OBSL1: variants seen among roughly 807,000 people sequenced by gnomAD.
The protein encoded by OBSL1 is obscurin like cytoskeletal adaptor 1.
Under a neutral mutation model 172.0 loss-of-function variants are expected in OBSL1, and 160 were observed. The observed-to-expected ratio is 0.93, with a 90% CI of 0.82 to 1.06. OBSL1 has a LOEUF of 1.06. Ranked by LOEUF, OBSL1 falls within the 50% of genes least tolerant of loss-of-function variation. OBSL1 has a pLI of 0.00. For synonymous variants in OBSL1, 1,200 were observed against 1,196.3 expected (o/e 1.00, Z -0.06); for missense variants, 2,681 against 2,715.4 (o/e 0.99, Z 0.28).
chr2:219,553,269 G>C (rs928403738), intron 16 of OBSL1, among the ~76,000 whole-genome samples: 1 of 152,244 alleles, frequency 6.6e-6, no homozygotes, highest in Non-Finnish European at 1.5e-5. Flanking sequence ...CCCAGAGCCA[G>C]GTATCGATCA....
At position 219,559,442 on chromosome 2, in the gene OBSL1, G is replaced by C. The variant is rs765940418; in HGVS notation, c.3009C>G (p.Thr1003=). The change falls in exon 9 of 21, where the codon ACC becomes ACG. Residue 1003 remains threonine, a synonymous_variant. Transcript: ENST00000404537. ...PRDEVTLIAV[T]LECVVLMCEL... is the part of the protein sequence containing the mutation. ...CACACATCAGCACCACACACTCCAA[G>C]GTCACGGCGATCAAGGTCACCTCAT... is the stretch of plus-strand genomic sequence containing the variant. The C allele has an allele frequency of 6.2e-7, 1 of 1,613,582 alleles. No homozygotes were observed. Among genetic ancestry groups the C allele is most frequent in the South Asian group, 1.1e-5 (1 of 91,066 alleles).
chr2:219,562,964 G>C (rs1448534252), intron 7 of OBSL1: 3 of 524,558 alleles, frequency 5.7e-6, no homozygotes, highest in Admixed American at 6.5e-5. Context: ...GGGACGGTAT[G>C]AAGGGTGGAA....
intron 1 of OBSL1, among the ~76,000 whole-genome samples, chr2:219,569,976 G>A (rs1193641883): frequency 6.6e-6 from 1 of 152,246 alleles, no homozygotes; most frequent in Admixed American, 6.5e-5. Context: ...TCACTCCTTA[G>A]TGGTGTTCCA....
chr2:219,567,363 G>A lies in OBSL1; in HGVS notation c.1747C>T (p.Pro583Ser), dbSNP rs1696983803. ...CGGAAGCGGTAGTCACCCTCGGAGG[G>A]CACACAGTCGCCCGGCACCTCCACG... Reference protein sequence around the residue: ...GAVEVPGDCVPSEGDYRFRIC... With the variant: ...GAVEVPGDCVSSEGDYRFRIC... Residue 583 changes from proline to serine, a missense_variant, in exon 4 of 21, where the codon CCC becomes TCC. By Grantham distance (74) the Pro-to-Ser change is moderately conservative. Coordinates refer to ENST00000404537, the MANE Select transcript of OBSL1 (RefSeq NM_015311.3). 3 of 1,612,568 alleles carry A rather than the reference G, an allele frequency of 1.9e-6. No individual in the cohort carries two copies. The highest frequency in any genetic ancestry group is 1.3e-5 in the African/African-American group (1 of 74,924).
intron 20 of OBSL1, 73 bp from the exon 21 acceptor site, chr2:219,550,915 G>C: frequency 1.9e-6 from 3 of 1,577,622 alleles, no homozygotes; most frequent in Non-Finnish European, 1.7e-6. Context: ...GGCAGAGCCT[G>C]GACACCAGTA....
chr2:219,551,473 C>T (rs1300184899), intron 20 of OBSL1, 56 bp downstream of exon 20: 2 of 1,515,002 alleles, frequency 1.3e-6, no homozygotes, highest in African/African-American at 1.4e-5. Flanking sequence ...GTGGCTTAAC[C>T]CATCAGCTCC....
In OBSL1 at chr2:219,556,550, G is replaced by A. The variant is rs763912596; in HGVS notation, c.4240C>T (p.Arg1414Cys). Reference protein sequence around the residue: ...QVEMAQNGSSRILTLRGCQLG... With the variant: ...QVEMAQNGSSCILTLRGCQLG... ...TGGCAGCCTCGCAAGGTTAAGATGC[G>A]GCTTGAACCATTCTGGGCCATCTCC... The change falls in exon 13 of 21, where the codon CGC becomes TGC. Residue 1414 changes from arginine (R) to cysteine (C), a missense_variant. Coordinates refer to ENST00000404537, the MANE Select transcript of OBSL1 (RefSeq NM_015311.3). The A allele has an allele frequency of 2.5e-5, 41 of 1,613,798 alleles. No individual in the cohort carries two copies. The highest frequency in any genetic ancestry group is 4.5e-5 in the East Asian group (2 of 44,888).
intron 18 of OBSL1, 105 bp downstream of exon 18, chr2:219,552,426 TGGGGC>T (rs1695690686): frequency 1.6e-5 from 17 of 1,045,096 alleles, no homozygotes; most frequent in Non-Finnish European, 2.1e-5. Flanking sequence ...CACAGGGCCG[TGGGGC>T]GGGGCCCGTC....
rs966487354 is a variant in OBSL1 at position 219,558,017 on chromosome 2, C to T, written c.3596G>A (p.Arg1199Gln). 36 of 1,612,850 alleles carry T rather than the reference C, an allele frequency of 2.2e-5. No individual in the cohort carries two copies. Among genetic ancestry groups the T allele is most frequent in the East Asian group, 8.9e-5 (4 of 44,880 alleles). The change falls in exon 11 of 21, where the codon CGG (arginine) becomes CAG (glutamine). Residue 1199 changes from arginine to glutamine, a missense_variant. Arg to Gln is a conservative substitution (Grantham distance 43). Around this residue, in one of 5 missense-constraint regions of OBSL1, gnomAD observed 1,765 missense variants for 1,748.3 expected, o/e 1.01. Coordinates refer to ENST00000404537, the MANE Select transcript of OBSL1 (RefSeq NM_015311.3). Reference protein sequence around the residue: ...EPVVLSCELSRAGAPVVWSHN... With the variant: ...EPVVLSCELSQAGAPVVWSHN... ...GCTCCAGACCACGGGGGCGCCAGCC[C>T]GGGACAGTTCACAGCTCAGCACCAC...
intron 16 of OBSL1, 78 bp from the exon 17 acceptor site, chr2:219,553,102 C>T: frequency 1.4e-6 from 2 of 1,403,306 alleles, no homozygotes; most frequent in East Asian, 2.8e-5. Flanking sequence ...GCGGCGCACC[C>T]TTTGTTGATG....
chr2:219,547,961 G>C, downstream of OBSL1: 1 of 1,589,742 alleles, frequency 6.3e-7, no homozygotes, highest in Non-Finnish European at 8.5e-7. Context: ...ACTCCGGGCT[G>C]CTCCTGTGCC....
chr2:219,553,458 C>A (rs999037251), intron 16 of OBSL1, 116 bp downstream of exon 16: 2 of 798,164 alleles, frequency 2.5e-6, no homozygotes, highest in Non-Finnish European at 4.3e-6. Context: ...AAATATAATG[C>A]AAATCTTAGC....
rs1023653318 is a variant in OBSL1 at position 219,571,530 on chromosome 2, T to C, written c.-298A>G. On this transcript the variant is annotated 5_prime_UTR_variant, in exon 1 of 21. Coordinates refer to ENST00000404537, the MANE Select transcript of OBSL1 (RefSeq NM_015311.3). The stretch of plus-strand genomic sequence containing the variant: ...AGCCTCCCCTGCCCGCTGCCTGGCT[T>C]CCTGCTCTTAGGAGCCTCTCTTCCC... 8.6e-6 allele frequency: 2 copies of C among 233,722 alleles called. No homozygotes were observed. The highest frequency in any genetic ancestry group is 1.6e-5 in the Non-Finnish European group (2 of 121,270). The allele number at this position is 233,722 out of a possible 1,614,324, so 14.5% of individuals were successfully genotyped here.
At chr2:219,548,279 C>A (rs560155644), downstream of OBSL1, among the ~76,000 whole-genome samples, 8 of 152,344 alleles carry the variant, frequency 5.3e-5, no homozygotes, top group African/African-American at 1.9e-4. Flanking sequence ...TGGCTCCGCA[C>A]CAACCCCATT....
At chr2:219,550,662 G>T, downstream of OBSL1, 1 of 806,744 alleles carries the variant, frequency 1.2e-6, no homozygotes, top group Non-Finnish European at 1.9e-6. Flanking sequence ...GGTCCCCAGT[G>T]TCGCTCACTG....
At chr2:219,569,453 T>C (rs899345836) in intron 1 of OBSL1, 2 of 152,230 alleles carry the variant, frequency 1.3e-5, no homozygotes, top group Non-Finnish European at 2.9e-5. Context: ...TCTGGTGAGT[T>C]TGGGGTGTGC....
At chr2:219,549,280 C>A, downstream of OBSL1, 1 of 1,613,944 alleles carries the variant, frequency 6.2e-7, no homozygotes, top group Non-Finnish European at 8.5e-7. Flanking sequence ...TCCTCCCAGG[C>A]CTGGGCCACC....
rs1695702334 is a variant in OBSL1, at chr2:219,552,517, G to A, written c.5308+19C>T. On this transcript the variant is annotated intron_variant, in intron 18 of 20. Coordinates refer to ENST00000404537, the MANE Select transcript of OBSL1 (RefSeq NM_015311.3). ...GGCGGGGCAGCGAGGGGCCCGAAAG[G>A]GTAACCAGGCGGGCAGACCTTCCTG... The A allele has an allele frequency of 2.5e-6, 4 of 1,590,544 alleles. No homozygotes were observed. Among genetic ancestry groups the A allele is most frequent in the East Asian group, 4.5e-5 (2 of 44,486 alleles).
chr2:219,559,315 G>A lies in OBSL1; in HGVS notation c.3136C>T (p.Leu1046=), dbSNP rs1167647256. 2 of 1,613,860 alleles carry A rather than the reference G, an allele frequency of 1.2e-6. No individual in the cohort carries two copies. Among genetic ancestry groups the A allele is most frequent in the African/African-American group, 1.3e-5 (1 of 74,916 alleles). ...VLERDGPRCR[L]VLPAAQPEDG... ...TCGGGCTGAGCAGCAGGTAGCACCA[G>A]GCGGCAGCGTGGCCCATCCCTCTCC... The change falls in exon 9 of 21, where the codon CTG becomes TTG. Residue 1046 remains leucine (L), a synonymous_variant. Coordinates refer to ENST00000404537, the MANE Select transcript of OBSL1 (RefSeq NM_015311.3).
Sources: gnomAD v4.1 joint callset for allele counts (sites outside exome capture counted in the v4.1 genomes callset) on GRCh38, gnomAD v4.1.1 for gene constraint, gnomAD v4.1.1 regional missense constraint, MANE v1.5 for transcripts, NCBI Gene and HGNC (gene_info 2026-07-23, HGNC 2026-07-21) for gene names.